TGFA: variants seen among roughly 807,000 people sequenced by gnomAD.
The protein encoded by TGFA is transforming growth factor alpha, also known as protransforming growth factor alpha.
A neutral mutation model predicts 21.7 loss-of-function variants in TGFA; 12 were observed. The observed-to-expected ratio is 0.55, with a 90% CI of 0.35 to 0.90. The LOEUF is 0.90. TGFA is among the 40% of genes least tolerant of loss of function. The probability of loss-of-function intolerance (pLI) is 0.01; values close to 1 mark genes in which losing one functional copy is unlikely to be tolerated. For synonymous variants in TGFA, 79 were observed against 88.1 expected, an observed-to-expected ratio of 0.90 and a Z score of 0.58; for missense variants, 178 against 210.8, an observed-to-expected ratio of 0.84 and a Z score of 0.96.
chr2:70,553,052 A>G (rs1673563709), intron 1 of TGFA: 1 of 963,028 alleles, frequency 1.0e-6, no homozygotes, highest in African/African-American at 1.7e-5. Flanking sequence ...TTCATTTCCA[A>G]GGACATACTC....
At chr2:70,553,700 C>T in intron 1 of TGFA, 28 bp downstream of exon 1, 1 of 1,331,642 alleles carries the variant, frequency 7.5e-7, no homozygotes, top group Non-Finnish European at 9.6e-7. Context: ...TCGCGCGGCG[C>T]AGGGGGCGCC....
intron 1 of TGFA, among the ~76,000 whole-genome samples, chr2:70,547,832 GATAT>G (rs1300204699): frequency 6.8e-6 from 1 of 146,346 alleles, no homozygotes; most frequent in African/African-American, 2.5e-5. Context: ...ACTATCTATA[GATAT>G]ATATAGAGAT....
intron 5 of TGFA, chr2:70,451,784 G>T: frequency 1.4e-6 from 1 of 701,202 alleles, no homozygotes; most frequent in Non-Finnish European, 2.6e-6. Flanking sequence ...TTGAGAGGGG[G>T]CTTTAGAGGC....
intron 2 of TGFA, among the ~76,000 whole-genome samples, chr2:70,476,015 C>T (rs998025451): frequency 5.7e-5 from 8 of 141,560 alleles, no homozygotes; most frequent in African/African-American, 2.1e-4. Flanking sequence ...CTCCTCATGA[C>T]CCCATTTCTC....
intron 2 of TGFA, among the ~76,000 whole-genome samples, chr2:70,494,141 A>G (rs1170660624): frequency 6.6e-6 from 1 of 151,550 alleles, no homozygotes; most frequent in East Asian, 1.9e-4. Flanking sequence ...AGGCTGCATC[A>G]CTCCAAGCTC....
At chr2:70,535,259 G>A (rs1038994825) in intron 1 of TGFA, among the ~76,000 whole-genome samples, 2 of 151,868 alleles carry the variant, frequency 1.3e-5, no homozygotes, top group Non-Finnish European at 2.9e-5. Context: ...GTAAAAAACT[G>A]TGTGTCTGCT....
intron 3 of TGFA, among the ~76,000 whole-genome samples, chr2:70,462,407 T>C (rs1182019838): frequency 1.3e-5 from 2 of 152,192 alleles, no homozygotes; most frequent in African/African-American, 4.8e-5. Flanking sequence ...GTCCCACGGA[T>C]GGCAAAGTGA....
intron 1 of TGFA, among the ~76,000 whole-genome samples, chr2:70,524,876 G>T (rs7584350): frequency 0.019 from 2,948 of 152,306 alleles, 93 homozygotes; most frequent in African/African-American, 0.068. Context: ...TCCATGGGGA[G>T]GTTATAAGTC....
At chr2:70,480,109 A>G (rs1417716694) in intron 2 of TGFA, among the ~76,000 whole-genome samples, 1 of 152,240 alleles carries the variant, frequency 6.6e-6, no homozygotes, top group Non-Finnish European at 1.5e-5. Context: ...GCGCCTTCAA[A>G]TACCTAAGAA....
intron 2 of TGFA, among the ~76,000 whole-genome samples, chr2:70,510,265 G>A (rs1188953079): frequency 6.6e-6 from 1 of 152,152 alleles, no homozygotes; most frequent in Non-Finnish European, 1.5e-5. Context: ...GAACCTGAAT[G>A]TAAAAAAGCA....
chr2:70,496,416 T>A (rs1553498342), intron 2 of TGFA, among the ~76,000 whole-genome samples: 1 of 114,966 alleles, frequency 8.7e-6, no homozygotes, highest in Admixed American at 8.8e-5. Flanking sequence ...GACAAAAAAT[T>A]TTGAGCCACA....
At position 70,467,951 on chromosome 2, in the gene TGFA, C is replaced by A. The variant is rs111766004; in HGVS notation, c.95-2215G>T. ...CGGGTTTGAATCCTGCCTCTGCCACCTGAAGCAGCTGGCCTCTCCTAGCCT... is the reference window on the plus strand; with the variant it reads ...CGGGTTTGAATCCTGCCTCTGCCACATGAAGCAGCTGGCCTCTCCTAGCCT... On this transcript the variant is annotated intron_variant, in intron 2 of 5. Transcript: ENST00000295400. Among the ~76,000 whole-genome samples, 792 of 152,316 alleles carry A rather than the reference C, an allele frequency of 5.2e-3. 9 individuals carry two copies. Among genetic ancestry groups the A allele is most frequent in the African/African-American group, 0.018 (760 of 41,568 alleles).
At chr2:70,502,863 TGTTCTAAGTGCTTTAC>T (rs1321701991) in intron 2 of TGFA, among the ~76,000 whole-genome samples, 29 of 152,358 alleles carry the variant, frequency 1.9e-4, no homozygotes, top group African/African-American at 6.5e-4. Context: ...AGCCTCGCCC[TGTTCTAAGTGCTTTAC>T]GTATATTCTC....
chr2:70,513,432 A>C (rs1247999858), intron 2 of TGFA, among the ~76,000 whole-genome samples: 3 of 152,184 alleles, frequency 2.0e-5, no homozygotes, highest in Non-Finnish European at 4.4e-5. Flanking sequence ...GTACTGCTTT[A>C]TGGAAACCCT....
At chr2:70,539,540 C>T (rs1407833114) in intron 1 of TGFA, among the ~76,000 whole-genome samples, 9 of 152,166 alleles carry the variant, frequency 5.9e-5, no homozygotes, top group South Asian at 2.1e-4. Flanking sequence ...CTGCAACCTC[C>T]GCCTCCTAGG....
intron 2 of TGFA, among the ~76,000 whole-genome samples, chr2:70,478,202 A>G (rs1250084524): frequency 6.6e-6 from 1 of 152,198 alleles, no homozygotes; most frequent in Non-Finnish European, 1.5e-5. Flanking sequence ...CAGCTTTGTA[A>G]TTGAACAAAG....
intron 2 of TGFA, among the ~76,000 whole-genome samples, chr2:70,480,735 G>A (rs1419563039): frequency 6.6e-6 from 1 of 152,024 alleles, no homozygotes. Context: ...TAGTATTTTT[G>A]CATGCTCAAA....
At chr2:70,451,817 C>A (rs1266096616) in intron 5 of TGFA, 5 of 679,848 alleles carry the variant, frequency 7.4e-6, no homozygotes, top group Non-Finnish European at 1.3e-5. Flanking sequence ...CCTCACTCCC[C>A]CACTGATTCC....
chr2:70,528,467 C>T (rs1193349907), intron 1 of TGFA, among the ~76,000 whole-genome samples: 1 of 117,842 alleles, frequency 8.5e-6, no homozygotes, highest in East Asian at 2.8e-4. Flanking sequence ...TGGAAAGAGG[C>T]ATGGAAAAGG....
Sources: allele counts gnomAD v4.1 joint callset (sites outside exome capture counted in the v4.1 genomes callset), GRCh38; gene constraint gnomAD v4.1.1; transcripts MANE v1.5; gene names NCBI Gene and HGNC (gene_info 2026-07-23, HGNC 2026-07-21).